Variants in CAP2 observed in about 807,000 individuals in gnomAD.
CAP2 encodes cyclase associated actin cytoskeleton regulatory protein 2.
Under a neutral mutation model 57.7 loss-of-function variants are expected in CAP2, and 24 were observed. That is an observed-to-expected ratio of 0.42 (90% confidence interval 0.30 to 0.58). The LOEUF is 0.58. Ranked by LOEUF, CAP2 falls within the 20% of genes least tolerant of loss-of-function variation. CAP2 has a pLI of 0.22. For missense variants in CAP2, 501 were observed against 590.3 expected (o/e 0.85, Z 1.57); for synonymous variants, 194 against 207.2 (o/e 0.94, Z 0.55).
At chr6:17,544,485 AT>A (rs1762993625) in intron 11 of CAP2, among the ~76,000 whole-genome samples, 1 of 152,162 alleles carries the variant, frequency 6.6e-6, no homozygotes, top group African/African-American at 2.4e-5. Context: ...GCCACATGGA[AT>A]TTTATGATAT....
chr6:17,472,661 C>A (rs575292488), intron 4 of CAP2, among the ~76,000 whole-genome samples: 1 of 152,100 alleles, frequency 6.6e-6, no homozygotes, highest in African/African-American at 2.4e-5. Context: ...TAGCATGTGA[C>A]GGCTACTGCC....
intron 11 of CAP2, among the ~76,000 whole-genome samples, chr6:17,548,240 G>C (rs1176047585): frequency 6.6e-6 from 1 of 151,766 alleles, no homozygotes; most frequent in Non-Finnish European, 1.5e-5. Flanking sequence ...TGGTGCAGGC[G>C]CCTGTAGTCT....
At chr6:17,409,009 T>C (rs148327410) in intron 1 of CAP2, among the ~76,000 whole-genome samples, 58 of 151,716 alleles carry the variant, frequency 3.8e-4, no homozygotes, top group African/African-American at 1.4e-3. Context: ...CATGGTGCTT[T>C]TGATATCCCC....
At chr6:17,417,519 C>T (rs1759315139) in intron 1 of CAP2, among the ~76,000 whole-genome samples, 2 of 152,134 alleles carry the variant, frequency 1.3e-5, no homozygotes, top group Admixed American at 6.5e-5. Flanking sequence ...CAGCGATCCA[C>T]CCGCCTCTGC....
chr6:17,495,953 G>C (rs974749529), intron 4 of CAP2, among the ~76,000 whole-genome samples: 1 of 139,636 alleles, frequency 7.2e-6, no homozygotes, highest in African/African-American at 2.7e-5. Flanking sequence ...TGCAGTGGGG[G>C]GATAGCTATG....
chr6:17,438,324 C>T (rs1759959011), intron 3 of CAP2, among the ~76,000 whole-genome samples: 1 of 146,692 alleles, frequency 6.8e-6, no homozygotes, highest in Non-Finnish European at 1.5e-5. Context: ...CGAGATCGTG[C>T]CACTGCACTC....
intron 1 of CAP2, among the ~76,000 whole-genome samples, chr6:17,415,319 T>A (rs1199781344): frequency 1.3e-5 from 2 of 152,226 alleles, no homozygotes; most frequent in African/African-American, 4.8e-5. Flanking sequence ...CTTTAGACAA[T>A]GTGGAGTTTT....
chr6:17,517,267 G>A (rs1481074762), intron 7 of CAP2, among the ~76,000 whole-genome samples: 3 of 152,222 alleles, frequency 2.0e-5, no homozygotes, highest in Admixed American at 2.0e-4. Flanking sequence ...GTCAACAAAT[G>A]CTAGCCTGTT....
At chr6:17,410,967 C>G (rs894542581) in intron 1 of CAP2, among the ~76,000 whole-genome samples, 3 of 152,110 alleles carry the variant, frequency 2.0e-5, no homozygotes, top group Admixed American at 1.3e-4. Flanking sequence ...AAAATTGACC[C>G]AATTTAAATG....
At chr6:17,444,555 C>A (rs757802798) in intron 3 of CAP2, among the ~76,000 whole-genome samples, 2 of 149,484 alleles carry the variant, frequency 1.3e-5, no homozygotes, top group East Asian at 2.0e-4. Flanking sequence ...GCAGGAGAAT[C>A]GCTTGATTCC....
intron 4 of CAP2, among the ~76,000 whole-genome samples, chr6:17,487,926 G>A (rs1461762526): frequency 1.3e-5 from 2 of 152,144 alleles, no homozygotes; most frequent in East Asian, 3.9e-4. Context: ...CTACAGGTGT[G>A]TGCCACTATG....
rs916383953 is a variant in CAP2, at chr6:17,393,721, G to C, written c.-27G>C. 2.6e-5 allele frequency: 4 copies of C among 152,254 alleles called. No individual in the cohort carries two copies. The highest frequency in any genetic ancestry group is 7.2e-5 in the African/African-American group (3 of 41,442). 9.4% of individuals were successfully genotyped at this position (152,254 alleles called of 1,614,324 possible). On this transcript the variant is annotated 5_prime_UTR_variant, in exon 1 of 13. Transcript: ENST00000229922. Reference sequence around the variant, plus strand: ...CCGACCACGGATTTGCATTGCCGAGGACGGGACCCCAGGGCAGCGAAGCAG... The same window carrying C: ...CCGACCACGGATTTGCATTGCCGAGCACGGGACCCCAGGGCAGCGAAGCAG...
chr6:17,542,335 G>C (rs1308790684), intron 9 of CAP2, among the ~76,000 whole-genome samples: 1 of 152,168 alleles, frequency 6.6e-6, no homozygotes, highest in Non-Finnish European at 1.5e-5. Context: ...AAGTGTGTGA[G>C]CAGGACATAG....
intron 3 of CAP2, among the ~76,000 whole-genome samples, chr6:17,461,668 C>A (rs1034425233): frequency 1.3e-5 from 2 of 151,924 alleles, no homozygotes; most frequent in Admixed American, 1.3e-4. Context: ...GATATTTTTT[C>A]TTGGTACACT....
intron 3 of CAP2, among the ~76,000 whole-genome samples, chr6:17,450,153 G>C (rs554201583): frequency 2.0e-5 from 3 of 151,388 alleles, no homozygotes; most frequent in Non-Finnish European, 4.4e-5. Flanking sequence ...CCAGGTTCAC[G>C]CCATTCTCCT....
chr6:17,427,642 A>G (rs1759627790), intron 3 of CAP2, among the ~76,000 whole-genome samples: 1 of 152,018 alleles, frequency 6.6e-6, no homozygotes, highest in African/African-American at 2.4e-5. Context: ...CTGTAGATCC[A>G]ACAATTTCAC....
chr6:17,535,578 C>CT (rs79902638), intron 7 of CAP2, among the ~76,000 whole-genome samples: 39 of 143,118 alleles, frequency 2.7e-4, no homozygotes, highest in African/African-American at 4.9e-4. Flanking sequence ...CTGGCCATGA[C>CT]TTTTTTTTTT....
chr6:17,461,987 C>G (rs867301068), intron 3 of CAP2, among the ~76,000 whole-genome samples: 4 of 37,066 alleles, frequency 1.1e-4, no homozygotes, highest in South Asian at 1.9e-3. Flanking sequence ...GGCGAGACTC[C>G]GTCTCAAAAA....
intron 3 of CAP2, among the ~76,000 whole-genome samples, chr6:17,443,486 G>T (rs976803105): frequency 6.6e-6 from 1 of 151,956 alleles, no homozygotes; most frequent in Non-Finnish European, 1.5e-5. Context: ...CAATACTTTT[G>T]TACAAAAGGA....
Sources: gnomAD v4.1 joint callset for allele counts (sites outside exome capture counted in the v4.1 genomes callset) on GRCh38, gnomAD v4.1.1 for gene constraint, MANE v1.5 for transcripts, NCBI Gene and HGNC (gene_info 2026-07-23, HGNC 2026-07-21) for gene names.